The following SOX5 variants were observed in gnomAD, a reference collection of about 807,000 sequenced individuals.
SOX5 encodes the protein transcription factor SOX-5.
SOX5 carries 9 observed loss-of-function variants against 92.0 expected under a neutral mutation model. The ratio of observed to expected loss-of-function variants is 0.10; its 90% CI spans 0.06 to 0.17. SOX5 has a LOEUF of 0.17. Ranked by LOEUF, SOX5 falls within the 10% of genes least tolerant of loss-of-function variation. The pLI is 1.00. For missense variants in SOX5, 642 were observed against 944.5 expected, an observed-to-expected ratio of 0.68 and a Z score of 4.20; for synonymous variants, 344 against 336.3, an observed-to-expected ratio of 1.02 and a Z score of -0.25.
rs1188269586 is a variant in SOX5 at position 23,653,027 on chromosome 12, GATA to G, written c.932-12133_932-12131del. 9.8e-3 allele frequency among the ~76,000 whole-genome samples: 1,240 copies of G among 126,198 alleles called. 17 individuals carry two copies. The highest frequency in any genetic ancestry group is 0.041 in the African/African-American group (1,154 of 28,344). The allele number at this position is 126,198 out of a possible 152,430, so 82.8% of individuals were successfully genotyped here. A position where few individuals can be genotyped will look rare whatever the true frequency, so the allele number is the denominator to read the frequency against. ...GGATGGATGGATGGATGAATGTACA[GATA>G]GATGGATGGATGGATGGATGGATGG... is the stretch of plus-strand genomic sequence containing the variant. On this transcript the variant is annotated intron_variant, in intron 7 of 14. Transcript: ENST00000451604.
intron 3 of SOX5, among the ~76,000 whole-genome samples, chr12:24,228,671 C>CGT (rs905108986): frequency 1.3e-5 from 2 of 151,832 alleles, no homozygotes; most frequent in Non-Finnish European, 2.9e-5. Context: ...CGTGTGTGTG[C>CGT]GTGTGTGTGT....
intron 4 of SOX5, among the ~76,000 whole-genome samples, chr12:24,139,919 T>C (rs547658375): frequency 3.9e-5 from 6 of 152,232 alleles, no homozygotes; most frequent in African/African-American, 1.2e-4. Flanking sequence ...AATGAATACG[T>C]GCACCGTCAT....
chr12:24,454,603 C>T (rs960033939), intron 1 of SOX5, among the ~76,000 whole-genome samples: 1 of 152,154 alleles, frequency 6.6e-6, no homozygotes, highest in Non-Finnish European at 1.5e-5. Context: ...TACATTGACC[C>T]TCCATCTTTG....
chr12:23,584,433 T>G (rs1950441095), intron 9 of SOX5: 2 of 843,788 alleles, frequency 2.4e-6, no homozygotes, highest in African/African-American at 3.3e-5. Flanking sequence ...TAGGCCATCT[T>G]TAGATAACAA....
At chr12:24,212,246 A>AT (rs1958699174) in intron 4 of SOX5, among the ~76,000 whole-genome samples, 1 of 152,232 alleles carries the variant, frequency 6.6e-6, no homozygotes, top group Admixed American at 6.5e-5. Flanking sequence ...AATGTGTCCA[A>AT]TCCCTAATGT....
At chr12:24,011,688 T>C (rs1592314148) in intron 4 of SOX5, among the ~76,000 whole-genome samples, 1 of 152,122 alleles carries the variant, frequency 6.6e-6, no homozygotes, top group African/African-American at 2.4e-5. Flanking sequence ...ACCTTAACAC[T>C]GGAGACACAG....
chr12:24,482,600 C>T (rs949838882), intron 1 of SOX5, among the ~76,000 whole-genome samples: 1 of 152,182 alleles, frequency 6.6e-6, no homozygotes, highest in African/African-American at 2.4e-5. Flanking sequence ...AACCCTTCTA[C>T]AAATAGTATA....
intron 3 of SOX5, among the ~76,000 whole-genome samples, chr12:24,262,893 G>A (rs1034668725): frequency 2.6e-5 from 4 of 152,184 alleles, no homozygotes; most frequent in Non-Finnish European, 5.9e-5. Flanking sequence ...GACTGGGAGT[G>A]CAACATACAT....
intron 1 of SOX5, among the ~76,000 whole-genome samples, chr12:24,441,797 G>A (rs1228289616): frequency 6.6e-6 from 1 of 152,002 alleles, no homozygotes; most frequent in Non-Finnish European, 1.5e-5. Context: ...TATTGTATGC[G>A]GTTTCATGGA....
intron 8 of SOX5, among the ~76,000 whole-genome samples, chr12:23,629,581 A>C (rs1257549906): frequency 6.6e-6 from 1 of 152,096 alleles, no homozygotes; most frequent in African/African-American, 2.4e-5. Context: ...TATATAAAAC[A>C]AATAAAAGTC....
intron 2 of SOX5, among the ~76,000 whole-genome samples, chr12:24,290,054 T>C (rs940888043): frequency 6.6e-6 from 1 of 152,190 alleles, no homozygotes; most frequent in Admixed American, 6.5e-5. Context: ...CTTTCCTTTG[T>C]CTGCGATCCA....
chr12:24,426,694 C>T (rs976901199), intron 1 of SOX5, among the ~76,000 whole-genome samples: 2 of 152,130 alleles, frequency 1.3e-5, no homozygotes, highest in Admixed American at 6.5e-5. Flanking sequence ...TCTTAGTCTT[C>T]GCTGAATACT....
intron 4 of SOX5, among the ~76,000 whole-genome samples, chr12:24,189,458 T>A (rs1325908474): frequency 6.6e-6 from 1 of 152,178 alleles, no homozygotes; most frequent in Non-Finnish European, 1.5e-5. Context: ...TAATACTGCA[T>A]CAACCATGAA....
chr12:24,191,680 T>A (rs566485725), intron 4 of SOX5, among the ~76,000 whole-genome samples: 13 of 152,334 alleles, frequency 8.5e-5, no homozygotes, highest in Non-Finnish European at 1.5e-4. Flanking sequence ...TGACCAGCCT[T>A]CCATTGTCCC....
chr12:24,505,858 T>TGTGTGTGTGTGTGTGCGCGC (rs1555327804), intron 1 of SOX5, among the ~76,000 whole-genome samples: 6 of 71,190 alleles, frequency 8.4e-5, no homozygotes, highest in African/African-American at 1.5e-4. Context: ...TGTGTGCGTG[T>TGTGTGTGTGTGTGTGCGCGC]GTGTGTGTGT....
intron 4 of SOX5, among the ~76,000 whole-genome samples, chr12:23,744,335 C>T (rs1163177196): frequency 6.6e-6 from 1 of 152,088 alleles, no homozygotes; most frequent in Non-Finnish European, 1.5e-5. Context: ...AGGTACGTGC[C>T]AACCCTAAGA....
chr12:23,967,641 C>G (rs1017805953), intron 4 of SOX5, among the ~76,000 whole-genome samples: 1 of 152,044 alleles, frequency 6.6e-6, no homozygotes, highest in African/African-American at 2.4e-5. Context: ...CATTTTATCT[C>G]TGCAATAAAA....
At position 24,247,260 on chromosome 12, in the gene SOX5, A is replaced by G. The variant is rs540454200; in HGVS notation, c.-77+29956T>C. On this transcript the variant is annotated intron_variant, in intron 3 of 4. Transcript: ENST00000446891. ...CATTAATCGACCAATGAAAAAAAAA[A>G]TGACTATGTGATTCTAGACTGAGAT... 2.7e-5 allele frequency among the ~76,000 whole-genome samples: 4 copies of G among 146,774 alleles called. No individual in the cohort carries two copies. The East Asian group carries it at 8.1e-4, about 30-fold the overall frequency.
chr12:23,902,982 G>A (rs1371696843), intron 1 of SOX5, among the ~76,000 whole-genome samples: 2 of 152,022 alleles, frequency 1.3e-5, no homozygotes, highest in East Asian at 1.9e-4. Flanking sequence ...AATAAAACAC[G>A]GCAACTAAGA....
Sources: allele counts gnomAD v4.1 joint callset (sites outside exome capture counted in the v4.1 genomes callset), GRCh38; gene constraint gnomAD v4.1.1; transcripts MANE v1.5; gene names NCBI Gene and HGNC (gene_info 2026-07-23, HGNC 2026-07-21).